The following SLC4A4 variants were observed in gnomAD, a reference collection of about 807,000 sequenced individuals.
The protein encoded by SLC4A4 is electrogenic sodium bicarbonate cotransporter 1.
Under a neutral mutation model 111.5 loss-of-function variants are expected in SLC4A4, and 27 were observed. The ratio of observed to expected loss-of-function variants is 0.24; its 90% CI spans 0.18 to 0.33. The LOEUF (loss-of-function observed/expected upper bound fraction) is 0.33, where lower values mean the gene tolerates loss of function less well. SLC4A4 is among the 10% of genes least tolerant of loss of function. SLC4A4 has a pLI of 1.00. For missense variants in SLC4A4, 909 were observed against 1,315.5 expected, an observed-to-expected ratio of 0.69 and a Z score of 4.78; for synonymous variants, 443 against 463.4, an observed-to-expected ratio of 0.96 and a Z score of 0.57.
At chr4:71,368,628 C>A (rs530251456) in intron 6 of SLC4A4, among the ~76,000 whole-genome samples, 2 of 152,206 alleles carry the variant, frequency 1.3e-5, no homozygotes, top group East Asian at 3.8e-4. Flanking sequence ...CTGTGCTTTA[C>A]AAAGCTGTGT....
intron 3 of SLC4A4, among the ~76,000 whole-genome samples, chr4:71,321,888 G>A (rs956063093): frequency 6.6e-6 from 1 of 151,944 alleles, no homozygotes; most frequent in African/African-American, 2.4e-5. Flanking sequence ...TGTTGTCTGA[G>A]AACAGTGAAA....
At chr4:71,338,514 C>T (rs1027850059) in intron 3 of SLC4A4, among the ~76,000 whole-genome samples, 1 of 151,268 alleles carries the variant, frequency 6.6e-6, no homozygotes, top group Non-Finnish European at 1.5e-5. Flanking sequence ...TTCTCTCTCT[C>T]TCTTTCTTTT....
At position 71,253,768 on chromosome 4, in the gene SLC4A4, G is replaced by A. The variant is rs567634763; in HGVS notation, c.74-1452G>A. On this transcript the variant is annotated intron_variant, in intron 2 of 25. Coordinates refer to ENST00000264485, the MANE Select transcript of SLC4A4 (RefSeq NM_001098484.3). ...TACACTTCTCACTGGCACACATTCT[G>A]TGGGGAGAATTTCACTGTGTTTTGT... Among the ~76,000 whole-genome samples the A allele has an allele frequency of 4.6e-5, 7 of 152,308 alleles. No homozygotes were observed. The East Asian group carries it at 1.2e-3, about 25-fold the overall frequency.
At chr4:71,355,085 G>A (rs1730170077) in intron 5 of SLC4A4, among the ~76,000 whole-genome samples, 1 of 152,224 alleles carries the variant, frequency 6.6e-6, no homozygotes, top group African/African-American at 2.4e-5. Flanking sequence ...AGGGCATAAA[G>A]CCACACAGAT....
intron 2 of SLC4A4, among the ~76,000 whole-genome samples, chr4:71,247,865 A>G (rs1473049140): frequency 6.6e-6 from 1 of 151,428 alleles, no homozygotes; most frequent in African/African-American, 2.4e-5. Flanking sequence ...TGTTCTGCCT[A>G]GTGCTGGACT....
chr4:71,182,114 AATCCATC>A (rs1407302460), intron 2 of SLC4A4, among the ~76,000 whole-genome samples: 1 of 152,192 alleles, frequency 6.6e-6, no homozygotes, highest in Non-Finnish European at 1.5e-5. Flanking sequence ...TTGTTCTAGG[AATCCATC>A]ACCCAGAAGA....
intron 1 of SLC4A4, among the ~76,000 whole-genome samples, chr4:71,225,547 AG>A (rs1718992763): frequency 6.6e-6 from 1 of 152,190 alleles, no homozygotes; most frequent in African/African-American, 2.4e-5. Context: ...ATAAAATTTC[AG>A]GAGCCTCATC....
intron 2 of SLC4A4, among the ~76,000 whole-genome samples, chr4:71,117,845 A>G (rs983164779): frequency 6.6e-6 from 1 of 151,206 alleles, no homozygotes; most frequent in Non-Finnish European, 1.5e-5. Context: ...CAAAATCCAT[A>G]AGTTTATTTC....
chr4:71,159,104 T>C (rs1744553407), intron 2 of SLC4A4, among the ~76,000 whole-genome samples: 1 of 152,226 alleles, frequency 6.6e-6, no homozygotes, highest in South Asian at 2.1e-4. Flanking sequence ...TTCATATATG[T>C]GTATATGTGT....
At chr4:71,092,962 G>A (rs912281803) in intron 2 of SLC4A4, among the ~76,000 whole-genome samples, 1 of 151,994 alleles carries the variant, frequency 6.6e-6, no homozygotes, top group Non-Finnish European at 1.5e-5. Context: ...GGGCGTGGTG[G>A]CGTGCGCCTG....
intron 2 of SLC4A4, among the ~76,000 whole-genome samples, chr4:71,135,650 A>G (rs1045120366): frequency 6.6e-6 from 1 of 152,210 alleles, no homozygotes; most frequent in Non-Finnish European, 1.5e-5. Flanking sequence ...TATTAACTAT[A>G]GTTGCCACAT....
At chr4:71,519,622 A>G in intron 16 of SLC4A4, among the ~76,000 whole-genome samples, 1 of 149,214 alleles carries the variant, frequency 6.7e-6, no homozygotes, top group East Asian at 2.0e-4. Context: ...ACATATGCAT[A>G]CATAAATGAA....
At chr4:71,335,781 C>T (rs370820871) in intron 3 of SLC4A4, among the ~76,000 whole-genome samples, 4 of 151,504 alleles carry the variant, frequency 2.6e-5, no homozygotes, top group Admixed American at 2.0e-4. Flanking sequence ...GCTGAGTTAG[C>T]GCCACTGCAC....
At chr4:71,397,354 G>A (rs1719914502) in intron 6 of SLC4A4, among the ~76,000 whole-genome samples, 1 of 152,178 alleles carries the variant, frequency 6.6e-6, no homozygotes, top group Non-Finnish European at 1.5e-5. Context: ...ACTGAACCAG[G>A]CAGTAAGTCC....
chr4:71,500,083 C>T (rs4694398), intron 16 of SLC4A4, among the ~76,000 whole-genome samples: 88,157 of 151,618 alleles, frequency 0.58, 28,417 homozygotes, highest in Non-Finnish European at 0.74. Context: ...ACATCATCAC[C>T]AACACTTATC....
At chr4:71,150,010 T>C (rs1744272792) in intron 2 of SLC4A4, among the ~76,000 whole-genome samples, 1 of 152,190 alleles carries the variant, frequency 6.6e-6, no homozygotes, top group Non-Finnish European at 1.5e-5. Context: ...GGGTACACGA[T>C]TAGGTTTTTT....
intron 20 of SLC4A4, among the ~76,000 whole-genome samples, chr4:71,552,378 T>C (rs564319922): frequency 2.3e-4 from 34 of 150,818 alleles, no homozygotes; most frequent in African/African-American, 8.0e-4. Context: ...CACACACACA[T>C]ACACACACAC....
At chr4:71,139,864 C>G (rs1010031871) in intron 2 of SLC4A4, among the ~76,000 whole-genome samples, 1 of 152,144 alleles carries the variant, frequency 6.6e-6, no homozygotes, top group African/African-American at 2.4e-5. Flanking sequence ...TTCAAATTCT[C>G]TCTTCTAGCT....
intron 16 of SLC4A4, among the ~76,000 whole-genome samples, chr4:71,518,199 G>A (rs1317749056): frequency 6.6e-6 from 1 of 152,150 alleles, no homozygotes; most frequent in African/African-American, 2.4e-5. Context: ...GTGGCTGTGG[G>A]GGCCAGCCTG....
Sources: allele counts gnomAD v4.1 joint callset (sites outside exome capture counted in the v4.1 genomes callset), GRCh38; gene constraint gnomAD v4.1.1; transcripts MANE v1.5; gene names NCBI Gene and HGNC (gene_info 2026-07-23, HGNC 2026-07-21).